Variants in KHDRBS2 observed in about 807,000 individuals in gnomAD.
KHDRBS2 encodes KH RNA binding domain containing, signal transduction associated 2.
In KHDRBS2, 26 loss-of-function variants were observed where a neutral mutation model predicts 44.3. The observed-to-expected ratio is 0.59, with a 90% CI of 0.43 to 0.81. KHDRBS2 has a LOEUF of 0.81. Among genes scored for constraint, KHDRBS2 ranks in the 40% least tolerant of loss-of-function variants. The pLI is 0.00. For missense variants in KHDRBS2, 476 were observed against 433.1 expected (o/e 1.10, Z -0.88); for synonymous variants, 194 against 151.1 (o/e 1.28, Z -2.08).
chr6:62,066,276 A>T (rs1275827592), intron 2 of KHDRBS2, among the ~76,000 whole-genome samples: 2 of 151,736 alleles, frequency 1.3e-5, no homozygotes, highest in Admixed American at 6.6e-5. Context: ...TCATAAAATC[A>T]TCTGTAGAGG....
At chr6:62,140,323 C>A (rs1380507216) in intron 2 of KHDRBS2, among the ~76,000 whole-genome samples, 2 of 152,094 alleles carry the variant, frequency 1.3e-5, no homozygotes, top group Non-Finnish European at 2.9e-5. Flanking sequence ...TAGTGGGAAG[C>A]AGTTAATGTC....
At chr6:61,911,174 G>A (rs1805985374) in intron 4 of KHDRBS2, among the ~76,000 whole-genome samples, 1 of 152,158 alleles carries the variant, frequency 6.6e-6, no homozygotes, top group Non-Finnish European at 1.5e-5. Context: ...AATAACCTAG[G>A]AATTCTAGGC....
chr6:62,122,714 C>CGTGTCTTATAT (rs1807964534), intron 2 of KHDRBS2, among the ~76,000 whole-genome samples: 2 of 150,236 alleles, frequency 1.3e-5, no homozygotes, highest in Admixed American at 1.3e-4. Flanking sequence ...AAGACACCAC[C>CGTGTCTTATAT]TGAAAGTGGA....
intron 1 of KHDRBS2, among the ~76,000 whole-genome samples, chr6:62,259,553 T>C (rs1377520510): frequency 6.6e-6 from 1 of 152,022 alleles, no homozygotes. Flanking sequence ...TTCTCAATGT[T>C]TTATTTTGTT....
chr6:61,718,075 C>T (rs1433606586), intron 7 of KHDRBS2, among the ~76,000 whole-genome samples: 5 of 151,964 alleles, frequency 3.3e-5, no homozygotes, highest in African/African-American at 7.2e-5. Flanking sequence ...AAAATACCTG[C>T]TTCATATGTT....
Position 62,017,320 on chromosome 6 carries a change from A to G in KHDRBS2, c.336+30558T>C, listed in dbSNP as rs189729788. 1.7e-3 allele frequency among the ~76,000 whole-genome samples: 259 copies of G among 152,296 alleles called. 9 individuals are homozygous for G. In the South Asian group the frequency reaches 0.048, roughly 28 times the overall value. On this transcript the variant is annotated intron_variant, in intron 3 of 8. Transcript: ENST00000281156. Reference sequence around the variant, plus strand: ...TTTAGACTTGCCACCAGAACATGATAAAATCCTATAAGAGGAGTAATAAAA... The same window carrying G: ...TTTAGACTTGCCACCAGAACATGATGAAATCCTATAAGAGGAGTAATAAAA...
chr6:61,552,356 T>C, the KHDRBS2 span, among the ~76,000 whole-genome samples: 2 of 152,028 alleles, frequency 1.3e-5, no homozygotes, highest in African/African-American at 2.4e-5. Flanking sequence ...TTTTGTACAT[T>C]GATTTTGTAT....
chr6:61,774,373 A>G (rs1295970985), intron 6 of KHDRBS2, among the ~76,000 whole-genome samples: 1 of 151,184 alleles, frequency 6.6e-6, no homozygotes, highest in African/African-American at 2.4e-5. Flanking sequence ...TTTGCCGATG[A>G]CATGATTGTA....
At chr6:62,066,992 G>A (rs1448806823) in intron 2 of KHDRBS2, among the ~76,000 whole-genome samples, 1 of 151,510 alleles carries the variant, frequency 6.6e-6, no homozygotes, top group Non-Finnish European at 1.5e-5. Flanking sequence ...AGCAGTGGGA[G>A]TAAATTAAAA....
At chr6:61,754,546 A>C (rs1241267416) in intron 6 of KHDRBS2, among the ~76,000 whole-genome samples, 2 of 149,302 alleles carry the variant, frequency 1.3e-5, no homozygotes, top group African/African-American at 5.0e-5. Flanking sequence ...GTCTTTAAGG[A>C]TATGAACTAT....
chr6:62,099,769 T>A (rs1460486167), intron 2 of KHDRBS2, among the ~76,000 whole-genome samples: 1 of 152,178 alleles, frequency 6.6e-6, no homozygotes, highest in Non-Finnish European at 1.5e-5. Flanking sequence ...TAGACCTACC[T>A]GCTGCTGAGG....
At chr6:61,838,444 A>G (rs1417281411) in intron 6 of KHDRBS2, among the ~76,000 whole-genome samples, 1 of 152,044 alleles carries the variant, frequency 6.6e-6, no homozygotes, top group Non-Finnish European at 1.5e-5. Context: ...AATCCTGGGA[A>G]TATTTCTTCT....
chr6:61,918,796 C>G (rs1294245883), intron 4 of KHDRBS2, among the ~76,000 whole-genome samples: 1 of 151,804 alleles, frequency 6.6e-6, no homozygotes, highest in Admixed American at 6.6e-5. Flanking sequence ...ACTGTTGGTG[C>G]TGGTGGTGGT....
intron 7 of KHDRBS2, among the ~76,000 whole-genome samples, chr6:61,704,531 A>G (rs2127547388): frequency 6.6e-6 from 1 of 151,826 alleles, no homozygotes; most frequent in Admixed American, 6.6e-5. Context: ...AGTATTAGGG[A>G]GAGAGGGGCT....
intron 6 of KHDRBS2, among the ~76,000 whole-genome samples, chr6:61,763,211 C>A (rs1361019330): frequency 6.6e-6 from 1 of 152,162 alleles, no homozygotes; most frequent in Non-Finnish European, 1.5e-5. Context: ...GAGACTCCGA[C>A]AGTAAGGGTG....
intron 1 of KHDRBS2, among the ~76,000 whole-genome samples, chr6:62,178,091 A>T (rs1403870162): frequency 6.6e-6 from 1 of 151,542 alleles, no homozygotes; most frequent in Non-Finnish European, 1.5e-5. Context: ...GAGAAAATGA[A>T]TATATGGGCA....
intron 1 of KHDRBS2, among the ~76,000 whole-genome samples, chr6:62,277,064 G>A (rs1841050708): frequency 6.6e-6 from 1 of 152,144 alleles, no homozygotes; most frequent in African/African-American, 2.4e-5. Context: ...ATGTTGAGAT[G>A]ATGATAATGG....
chr6:61,775,099 T>G (rs554172396), intron 6 of KHDRBS2, among the ~76,000 whole-genome samples: 1 of 152,216 alleles, frequency 6.6e-6, no homozygotes, highest in Non-Finnish European at 1.5e-5. Context: ...CAACCCTTCA[T>G]GCTAAAAGCT....
At chr6:61,553,907 G>C in the KHDRBS2 span, among the ~76,000 whole-genome samples, 4 of 152,028 alleles carry the variant, frequency 2.6e-5, no homozygotes, top group Non-Finnish European at 5.9e-5. Flanking sequence ...TTTGGAGATT[G>C]TTTTATTTCC....
Sources: allele counts gnomAD v4.1 joint callset (sites outside exome capture counted in the v4.1 genomes callset), GRCh38; gene constraint gnomAD v4.1.1; transcripts MANE v1.5; gene names NCBI Gene and HGNC (gene_info 2026-07-23, HGNC 2026-07-21).